Variants in LGSN observed in about 807,000 individuals in gnomAD.
The protein encoded by LGSN is lengsin.
Under a neutral mutation model 19.5 loss-of-function variants are expected in LGSN, and 21 were observed. That is an observed-to-expected ratio of 1.07 (90% CI 0.76 to 1.55). The LOEUF (loss-of-function observed/expected upper bound fraction) is 1.55, where lower values mean the gene tolerates loss of function less well. Ranked by LOEUF, LGSN falls within the 40% of genes most tolerant of loss-of-function variation. The probability of loss-of-function intolerance (pLI) is 0.00; values close to 1 mark genes in which losing one functional copy is unlikely to be tolerated. For missense variants in LGSN, 673 were observed against 608.5 expected (o/e 1.11, Z -1.12); for synonymous variants, 257 against 215.6 (o/e 1.19, Z -1.68).
chr6:63,522,051 C>A, the LGSN span, among the ~76,000 whole-genome samples: 3 of 152,210 alleles, frequency 2.0e-5, no homozygotes, highest in Non-Finnish European at 4.4e-5. Context: ...TTCCCACAGG[C>A]TTTGCCAGAT....
At chr6:63,376,849 G>T in the LGSN span, among the ~76,000 whole-genome samples, 1 of 152,158 alleles carries the variant, frequency 6.6e-6, no homozygotes, top group Non-Finnish European at 1.5e-5. Flanking sequence ...TTTAACAATG[G>T]TCTACATTCA....
the LGSN span, among the ~76,000 whole-genome samples, chr6:63,388,517 T>C: frequency 6.6e-5 from 10 of 152,074 alleles, no homozygotes; most frequent in Non-Finnish European, 1.2e-4. Context: ...GAAGAGGAAA[T>C]CTGAACACAG....
At chr6:63,458,498 T>G in the LGSN span, among the ~76,000 whole-genome samples, 2 of 152,270 alleles carry the variant, frequency 1.3e-5, no homozygotes, top group African/African-American at 2.4e-5. Flanking sequence ...ATACCTTCCT[T>G]CAGAACAAAG....
chr6:63,432,522 T>C, the LGSN span, among the ~76,000 whole-genome samples: 1 of 151,718 alleles, frequency 6.6e-6, no homozygotes, highest in East Asian at 1.9e-4. Flanking sequence ...AAACCCCGAC[T>C]CTACTAAAAA....
At chr6:63,485,461 G>A in the LGSN span, among the ~76,000 whole-genome samples, 1 of 152,154 alleles carries the variant, frequency 6.6e-6, no homozygotes, top group Non-Finnish European at 1.5e-5. Context: ...TTGATTTCAT[G>A]TCTTTGCTAT....
chr6:63,288,201 T>TG (rs1248089872), intron 2 of LGSN, among the ~76,000 whole-genome samples: 29 of 151,144 alleles, frequency 1.9e-4, no homozygotes, highest in Admixed American at 1.9e-3. Flanking sequence ...TACTCCAGCC[T>TG]GGGTGACAGA....
the LGSN span, among the ~76,000 whole-genome samples, chr6:63,508,969 G>A: frequency 0.53 from 80,077 of 149,732 alleles, 23,257 homozygotes; most frequent in African/African-American, 0.77. Flanking sequence ...ACTGAGTGAG[G>A]TGATAGTTAC....
the LGSN span, among the ~76,000 whole-genome samples, chr6:63,540,869 G>A: frequency 6.6e-6 from 1 of 151,636 alleles, no homozygotes; most frequent in Non-Finnish European, 1.5e-5. Flanking sequence ...CGGTCTTGGT[G>A]GCGGTCACCT....
the LGSN span, among the ~76,000 whole-genome samples, chr6:63,541,869 G>A: frequency 6.6e-6 from 1 of 151,962 alleles, no homozygotes; most frequent in Non-Finnish European, 1.5e-5. Context: ...ATTTCCCTCT[G>A]TACTATGTCA....
the LGSN span, among the ~76,000 whole-genome samples, chr6:63,487,182 T>A: frequency 1.3e-5 from 2 of 151,740 alleles, no homozygotes; most frequent in Middle Eastern, 3.4e-3. Context: ...ATTGCCCAGA[T>A]TGGTCTCGAA....
chr6:63,534,032 T>C, the LGSN span, among the ~76,000 whole-genome samples: 40 of 151,996 alleles, frequency 2.6e-4, no homozygotes, highest in African/African-American at 9.6e-4. Context: ...TTAGGAGAGA[T>C]GGGGTTTCAC....
Position 63,276,137 on chromosome 6 carries a change from G to A in LGSN, c.*3884C>T, listed in dbSNP as rs556304722. The A allele has an allele frequency of 1.3e-5, 2 of 152,186 alleles. No homozygotes were observed. Among genetic ancestry groups the A allele is most frequent in the Non-Finnish European group, 2.9e-5 (2 of 68,038 alleles). 9.4% of individuals were successfully genotyped at this position (152,186 alleles called of 1,614,324 possible). A position where few individuals can be genotyped will look rare whatever the true frequency, so the allele number is the denominator to read the frequency against. On this transcript the variant is annotated 3_prime_UTR_variant, in exon 4 of 4. Coordinates refer to ENST00000370657, the MANE Select transcript of LGSN (RefSeq NM_016571.3). Reference sequence around the variant, plus strand: ...TAGAAAACCCAAGGTTAAAGGTATTGTCCAGTCATACCTATATCATAAACA... The same window carrying A: ...TAGAAAACCCAAGGTTAAAGGTATTATCCAGTCATACCTATATCATAAACA...
chr6:63,390,336 G>A, the LGSN span, among the ~76,000 whole-genome samples: 1 of 151,090 alleles, frequency 6.6e-6, no homozygotes, highest in South Asian at 2.1e-4. Context: ...CACCATGTTG[G>A]CCAGGCTGGT....
At chr6:63,438,546 A>G in the LGSN span, among the ~76,000 whole-genome samples, 8 of 152,234 alleles carry the variant, frequency 5.3e-5, no homozygotes, top group Non-Finnish European at 1.0e-4. Context: ...TGGGCGAAGG[A>G]CATGAACAGA....
intron 1 of LGSN, among the ~76,000 whole-genome samples, chr6:63,300,357 C>A (rs1388784128): frequency 6.6e-6 from 1 of 152,206 alleles, no homozygotes; most frequent in African/African-American, 2.4e-5. Context: ...AACTTAAAAT[C>A]TTAAAGCTGC....
chr6:63,485,831 T>G, the LGSN span, among the ~76,000 whole-genome samples: 1 of 152,098 alleles, frequency 6.6e-6, no homozygotes, highest in South Asian at 2.1e-4. Context: ...CGGGTTCAAG[T>G]GAGTCTCCTG....
rs941755011 is a variant in LGSN at position 63,278,332 on chromosome 6, A to G, written c.*1689T>C. 3 of 152,090 alleles carry G rather than the reference A, an allele frequency of 2.0e-5. No homozygotes were observed. Among genetic ancestry groups the G allele is most frequent in the African/African-American group, 7.2e-5 (3 of 41,412 alleles). 9.4% of individuals were successfully genotyped at this position (152,090 alleles called of 1,614,324 possible). A position where few individuals can be genotyped will look rare whatever the true frequency, so the allele number is the denominator to read the frequency against. Reference sequence around the variant, plus strand: ...GAAAATTGGCATGAGAGTCTTCCTTATCCCTCCCATGATGTAATGTGTGGG... The same window carrying G: ...GAAAATTGGCATGAGAGTCTTCCTTGTCCCTCCCATGATGTAATGTGTGGG... On this transcript the variant is annotated 3_prime_UTR_variant, in exon 4 of 4. Coordinates refer to ENST00000370657, the MANE Select transcript of LGSN (RefSeq NM_016571.3).
the LGSN span, among the ~76,000 whole-genome samples, chr6:63,486,814 G>T: frequency 1.4e-5 from 2 of 141,738 alleles, no homozygotes; most frequent in African/African-American, 5.5e-5. Flanking sequence ...GTTTTTGTAT[G>T]TTTATTTTAT....
chr6:63,434,744 T>G, the LGSN span, among the ~76,000 whole-genome samples: 142 of 151,908 alleles, frequency 9.3e-4, 2 homozygotes, highest in African/African-American at 3.2e-3. Flanking sequence ...TGATCAGATC[T>G]CCACAGGTGC....
Sources: allele counts gnomAD v4.1 joint callset (sites outside exome capture counted in the v4.1 genomes callset), GRCh38; gene constraint gnomAD v4.1.1; transcripts MANE v1.5; gene names NCBI Gene and HGNC (gene_info 2026-07-23, HGNC 2026-07-21).